Variants in FRMD4A observed in about 807,000 individuals in gnomAD.
FRMD4A encodes FERM domain-containing protein 4A.
In FRMD4A, 29 loss-of-function variants were observed where a neutral mutation model predicts 129.1. The ratio of observed to expected loss-of-function variants is 0.22; its 90% CI spans 0.17 to 0.31. FRMD4A has a LOEUF of 0.31. Ranked by LOEUF, FRMD4A falls within the 10% of genes least tolerant of loss-of-function variation. FRMD4A has a pLI of 1.00. For synonymous variants in FRMD4A, 634 were observed against 571.6 expected, an observed-to-expected ratio of 1.11 and a Z score of -1.56; for missense variants, 1,272 against 1,375.8, an observed-to-expected ratio of 0.92 and a Z score of 1.19.
intron 12 of FRMD4A, among the ~76,000 whole-genome samples, chr10:13,708,322 G>C (rs996721147): frequency 6.6e-6 from 1 of 152,146 alleles, no homozygotes; most frequent in Non-Finnish European, 1.5e-5. Flanking sequence ...TGTCTTCCCA[G>C]GCTGGGGACA....
chr10:13,933,792 A>G (rs2095224556), intron 2 of FRMD4A, among the ~76,000 whole-genome samples: 1 of 152,154 alleles, frequency 6.6e-6, no homozygotes. Context: ...CACAGATAGA[A>G]AGGAAGCAGC....
chr10:13,965,420 T>C (rs1033120049), intron 2 of FRMD4A, among the ~76,000 whole-genome samples: 3 of 152,180 alleles, frequency 2.0e-5, no homozygotes, highest in Non-Finnish European at 2.9e-5. Flanking sequence ...AGTAGAGAGT[T>C]CCATTCTCAT....
chr10:14,279,479 A>G (rs1048960009), intron 2 of FRMD4A, among the ~76,000 whole-genome samples: 29 of 152,290 alleles, frequency 1.9e-4, no homozygotes, highest in African/African-American at 7.0e-4. Context: ...AATTACAGGC[A>G]TAAGCCACCG....
At chr10:14,274,008 A>C (rs1032373134) in intron 2 of FRMD4A, among the ~76,000 whole-genome samples, 2 of 152,168 alleles carry the variant, frequency 1.3e-5, no homozygotes, top group Non-Finnish European at 2.9e-5. Context: ...TGGGGGGAGA[A>C]ATGAACTCCA....
In FRMD4A at chr10:13,660,283, G is replaced by A; in HGVS notation, c.1898+33C>T. On this transcript the variant is annotated intron_variant, in intron 20 of 24. Transcript: ENST00000357447. Reference sequence around the variant, plus strand: ...TGATTCTTCCAGAGCATAGAGGGAGGCCTCATTTGGCCTCATTCACGATGC... The same window carrying A: ...TGATTCTTCCAGAGCATAGAGGGAGACCTCATTTGGCCTCATTCACGATGC... The A allele has an allele frequency of 2.3e-6, 3 of 1,309,120 alleles. No homozygotes were observed. The South Asian group carries it at 3.5e-5, about 15-fold the overall frequency. 81.1% of individuals were successfully genotyped at this position (1,309,120 alleles called of 1,614,324 possible).
At chr10:13,933,721 G>A (rs1251153737) in intron 2 of FRMD4A, among the ~76,000 whole-genome samples, 3 of 152,134 alleles carry the variant, frequency 2.0e-5, no homozygotes, top group Non-Finnish European at 2.9e-5. Context: ...GATATTTTGG[G>A]TAGTGGTGGC....
intron 2 of FRMD4A, among the ~76,000 whole-genome samples, chr10:13,904,665 AG>A (rs751978965): frequency 2.0e-5 from 3 of 152,188 alleles, no homozygotes; most frequent in Non-Finnish European, 2.9e-5. Context: ...AGAACCCAAT[AG>A]ATTTTTATAG....
chr10:14,181,905 G>C (rs1841927044), intron 2 of FRMD4A, among the ~76,000 whole-genome samples: 1 of 152,092 alleles, frequency 6.6e-6, no homozygotes, highest in African/African-American at 2.4e-5. Context: ...TGACCAGGCT[G>C]GTCTTGAATT....
At chr10:13,963,934 G>A (rs187913642) in intron 2 of FRMD4A, among the ~76,000 whole-genome samples, 2 of 152,240 alleles carry the variant, frequency 1.3e-5, no homozygotes, top group Admixed American at 6.5e-5. Context: ...GTTCATTCTA[G>A]CCACTGGTCC....
intron 2 of FRMD4A, among the ~76,000 whole-genome samples, chr10:14,128,057 T>C (rs28488509): frequency 0.022 from 952 of 42,486 alleles, 11 homozygotes; most frequent in East Asian, 0.033. Flanking sequence ...TCTTTCTTTC[T>C]TTCTTTCTTT....
At chr10:14,072,532 T>C (rs2131718322) in intron 2 of FRMD4A, among the ~76,000 whole-genome samples, 1 of 152,324 alleles carries the variant, frequency 6.6e-6, no homozygotes, top group African/African-American at 2.4e-5. Context: ...CTCAGTTAAG[T>C]TACCACAAGA....
intron 2 of FRMD4A, among the ~76,000 whole-genome samples, chr10:13,884,162 A>ACTCACT (rs1564970962): frequency 1.0e-3 from 17 of 16,300 alleles, no homozygotes; most frequent in African/African-American, 2.7e-3. Flanking sequence ...ACTCTCACAC[A>ACTCACT]CACACTCACA....
intron 2 of FRMD4A, among the ~76,000 whole-genome samples, chr10:13,890,116 T>G (rs778495481): frequency 6.6e-5 from 10 of 152,200 alleles, no homozygotes; most frequent in Admixed American, 1.3e-4. Context: ...CAAACCAGAT[T>G]TCTGTTGATT....
At chr10:14,010,245 G>T (rs900123271) in intron 2 of FRMD4A, among the ~76,000 whole-genome samples, 1 of 152,278 alleles carries the variant, frequency 6.6e-6, no homozygotes, top group South Asian at 2.1e-4. Context: ...TTTCCCAGGG[G>T]TATTAATGAG....
At position 14,087,481 on chromosome 10, in the gene FRMD4A, A is replaced by G. The variant is rs185731896; in HGVS notation, c.46-228569T>C. 5.3e-5 allele frequency: 8 copies of G among 152,160 alleles called. No individual in the cohort carries two copies. In the East Asian group the frequency reaches 1.5e-3, roughly 29 times the overall value. The allele number at this position is 152,160 out of a possible 1,614,324, so 9.4% of individuals were successfully genotyped here. A position where few individuals can be genotyped will look rare whatever the true frequency, so the allele number is the denominator to read the frequency against. On this transcript the variant is annotated intron_variant, in intron 2 of 24. Transcript: ENST00000357447. The stretch of plus-strand genomic sequence containing the variant: ...GGCACAGAAGCACTAAGTAAACATT[A>G]GCTATGATTATTATTGTTTTTGTTT...
chr10:13,921,408 T>G (rs2095071704), intron 2 of FRMD4A, among the ~76,000 whole-genome samples: 1 of 152,030 alleles, frequency 6.6e-6, no homozygotes, highest in Non-Finnish European at 1.5e-5. Flanking sequence ...ACCACAGGCG[T>G]GTGCCACCAT....
At chr10:14,220,812 T>TGTTTG (rs1843230839) in intron 2 of FRMD4A, among the ~76,000 whole-genome samples, 8 of 45,356 alleles carry the variant, frequency 1.8e-4, no homozygotes, top group African/African-American at 3.4e-4. Flanking sequence ...GTGTGTGTGT[T>TGTTTG]TGTGTGTGTG....
intron 2 of FRMD4A, among the ~76,000 whole-genome samples, chr10:14,012,924 G>A (rs2095687014): frequency 6.6e-6 from 1 of 152,082 alleles, no homozygotes; most frequent in Non-Finnish European, 1.5e-5. Flanking sequence ...TTGTTCATTT[G>A]GCAGAATACT....
At chr10:13,939,634 A>T (rs1297911502) in intron 2 of FRMD4A, among the ~76,000 whole-genome samples, 2 of 152,246 alleles carry the variant, frequency 1.3e-5, no homozygotes, top group South Asian at 2.1e-4. Flanking sequence ...CTAATTTAAT[A>T]GCAGGCATGA....
Sources: gnomAD v4.1 joint callset for allele counts (sites outside exome capture counted in the v4.1 genomes callset) on GRCh38, gnomAD v4.1.1 for gene constraint, MANE v1.5 for transcripts, NCBI Gene and HGNC (gene_info 2026-07-23, HGNC 2026-07-21) for gene names.